PHGDH: variants seen among roughly 807,000 people sequenced by gnomAD.
The protein encoded by PHGDH is phosphoglycerate dehydrogenase.
A neutral mutation model predicts 52.6 loss-of-function variants in PHGDH; 50 were observed. The ratio of observed to expected loss-of-function variants is 0.95; its 90% confidence interval spans 0.76 to 1.20. PHGDH has a LOEUF of 1.20. Ranked by LOEUF, PHGDH falls within the 50% of genes most tolerant of loss-of-function variation. The pLI, the probability that PHGDH is intolerant of heterozygous loss-of-function variation, is 0.00. For synonymous variants in PHGDH, 271 were observed against 280.5 expected (o/e 0.97, Z 0.34); for missense variants, 630 against 684.6 (o/e 0.92, Z 0.89).
intron 1 of PHGDH, among the ~76,000 whole-genome samples, chr1:119,714,698 G>A (rs1471204418): frequency 2.6e-5 from 4 of 152,202 alleles, no homozygotes; most frequent in Non-Finnish European, 5.9e-5. Context: ...GCAAAACCCT[G>A]TCTCTACAAA....
intron 6 of PHGDH, 122 bp downstream of exon 6, chr1:119,734,888 C>A: frequency 9.2e-7 from 1 of 1,088,850 alleles, no homozygotes; most frequent in Non-Finnish European, 1.4e-6. Context: ...CCACCTGGGT[C>A]CTGCAGAGGC....
rs587610163 is a variant in PHGDH, at chr1:119,734,620, T to C, written c.511-14T>C. 7 of 1,613,728 alleles carry C rather than the reference T, an allele frequency of 4.3e-6. No individual in the cohort carries two copies. In the South Asian group the frequency reaches 6.6e-5, roughly 15 times the overall value. On this transcript the variant is annotated splice_polypyrimidine_tract_variant and intron_variant, in intron 5 of 11. Coordinates refer to ENST00000641023, the MANE Select transcript of PHGDH (RefSeq NM_006623.4). ...AAGAATGACACTTCCTCCCTCTCTC[T>C]TGCTTCCAACCAGACTATAGGGTAT...
chr1:119,727,589 G>T (rs750116911), intron 5 of PHGDH: 29 of 186,506 alleles, frequency 1.6e-4, no homozygotes, highest in Non-Finnish European at 2.7e-4. Context: ...CAGCACTTTG[G>T]GAGGCCGAGG....
rs2101195773 is a variant in PHGDH at position 119,734,711 on chromosome 1, C to T, written c.588C>T (p.Ile196=). 6.2e-7 allele frequency: 1 copy of T among 1,614,046 alleles called. No individual in the cohort carries two copies. Among genetic ancestry groups the T allele is most frequent in the African/African-American group, 1.3e-5 (1 of 75,054 alleles). ...TTCAGCAGCTGCCCCTGGAGGAGAT[C>T]TGGCCTCTCTGTGATTTCATCACTG... ...FGVQQLPLEE[I]WPLCDFITVH... The change falls in exon 6 of 12, where the codon ATC becomes ATT. Residue 196 remains isoleucine, a synonymous_variant. Coordinates refer to ENST00000641023, the MANE Select transcript of PHGDH (RefSeq NM_006623.4).
At chr1:119,722,324 C>G (rs1255566458) in intron 2 of PHGDH, among the ~76,000 whole-genome samples, 1 of 152,110 alleles carries the variant, frequency 6.6e-6, no homozygotes, top group Non-Finnish European at 1.5e-5. Flanking sequence ...CTTCTTGTAA[C>G]CTTATTAACC....
chr1:119,726,560 T>C (rs1010564112), intron 3 of PHGDH: 3 of 525,824 alleles, frequency 5.7e-6, no homozygotes, highest in Non-Finnish European at 1.0e-5. Flanking sequence ...TCGCTTAAAG[T>C]AAAAAACTCA....
rs137976738 is a variant in PHGDH, at chr1:119,735,547, T to C, written c.792+104T>C. 1.1e-4 allele frequency: 128 copies of C among 1,183,722 alleles called. No homozygotes were observed. The African/African-American group carries it at 1.7e-3, about 16-fold the overall frequency. 73.3% of individuals were successfully genotyped at this position (1,183,722 alleles called of 1,614,324 possible). ...GTTTTACAGAAAGCCTCTAGCTTAT[T>C]GTCTCTTTCATCCATGGTAAAAGGA... On this transcript the variant is annotated intron_variant, in intron 7 of 11. Transcript: ENST00000641023.
intron 5 of PHGDH, chr1:119,734,371 C>T (rs915316973): frequency 6.7e-6 from 3 of 449,752 alleles, no homozygotes; most frequent in South Asian, 2.0e-5. Flanking sequence ...CTTCCCTCAG[C>T]TCTCAAGCAG....
At chr1:119,727,162 G>A in intron 5 of PHGDH, 60 bp downstream of exon 5, 2 of 987,964 alleles carry the variant, frequency 2.0e-6, no homozygotes, top group Non-Finnish European at 3.3e-6. Flanking sequence ...GGGAAAGGCA[G>A]CATGTCTGGG....
Position 119,735,340 on chromosome 1 carries a change from G to T in PHGDH, c.689G>T (p.Arg230Leu). 1 of 1,614,216 alleles carries T rather than the reference G, an allele frequency of 6.2e-7. No homozygotes were observed. Among genetic ancestry groups the T allele is most frequent in the South Asian group, 1.1e-5 (1 of 91,092 alleles). The change falls in exon 7 of 12, where the codon CGT (arginine) becomes CTT (leucine). Residue 230 changes from arginine (R) to leucine (L), a missense_variant. By Grantham distance (102) the Arg-to-Leu change is moderately radical. Transcript: ENST00000641023. ...NTFAQCKKGV[R>L]VVNCARGGIV... The stretch of plus-strand genomic sequence containing the variant: ...TTTGCCCAGTGCAAGAAGGGGGTGC[G>T]TGTGGTGAACTGTGCCCGTGGAGGG...
chr1:119,723,555 A>T, intron 3 of PHGDH, 114 bp downstream of exon 3: 2 of 832,828 alleles, frequency 2.4e-6, no homozygotes. Flanking sequence ...CGACTTGCAG[A>T]CTGCTAAGAA....
At chr1:119,737,065 G>A (rs1298675035) in intron 7 of PHGDH, 49 bp from the exon 8 acceptor site, 11 of 1,602,648 alleles carry the variant, frequency 6.9e-6, no homozygotes, top group Admixed American at 1.7e-5. Flanking sequence ...GCCCAAGAGG[G>A]TGTGGCCAGT....
chr1:119,715,955 C>G (rs1650914582), intron 1 of PHGDH: 1 of 152,522 alleles, frequency 6.6e-6, no homozygotes, highest in Non-Finnish European at 1.5e-5. Context: ...GCTGTGGTTT[C>G]CATAAGTAGA....
At chr1:119,732,440 A>T (rs512854) in intron 5 of PHGDH, among the ~76,000 whole-genome samples, 2 of 151,952 alleles carry the variant, frequency 1.3e-5, no homozygotes, top group East Asian at 1.9e-4. Context: ...AGGTGCTCCA[A>T]TGTCTGTATA....
chr1:119,740,228 G>A (rs778572061), intron 8 of PHGDH, 158 bp from the exon 9 acceptor site: 105 of 683,244 alleles, frequency 1.5e-4, no homozygotes, highest in Non-Finnish European at 2.5e-4. Context: ...TCCTTGTCCT[G>A]TTGTTAGTGG....
At chr1:119,716,563 A>C (rs1179876202) in intron 1 of PHGDH, among the ~76,000 whole-genome samples, 1 of 151,948 alleles carries the variant, frequency 6.6e-6, no homozygotes, top group African/African-American at 2.4e-5. Flanking sequence ...GGCCCAAGGG[A>C]GTGATTGGTA....
At chr1:119,712,328 G>A (rs1373900464) in intron 1 of PHGDH, among the ~76,000 whole-genome samples, 168 bp downstream of exon 1, 2 of 152,202 alleles carry the variant, frequency 1.3e-5, no homozygotes, top group Non-Finnish European at 2.9e-5. Context: ...GGCAGAAAGA[G>A]GGAAGAACAA....
rs1052377436 is a variant in PHGDH at position 119,742,924 on chromosome 1, C to T, written c.1327C>T (p.Pro443Ser). 8 of 1,612,648 alleles carry T rather than the reference C, an allele frequency of 5.0e-6. No homozygotes were observed. The highest frequency in any genetic ancestry group is 6.8e-6 in the Non-Finnish European group (8 of 1,178,558). Residue 443 changes from proline to serine, a missense_variant, in exon 11 of 12, where the codon CCT (proline) becomes TCT (serine). By Grantham distance (74) the Pro-to-Ser change is moderately conservative. Transcript: ENST00000641023. ...TGTGGGCTTGGTCCAAGGCACTACGCCTGTACTGCAGGGGCTCAATGGAGC... is the reference window on the plus strand; with the variant it reads ...TGTGGGCTTGGTCCAAGGCACTACGTCTGTACTGCAGGGGCTCAATGGAGC... ...QAVGLVQGTT[P>S]VLQGLNGAVF...
chr1:119,739,986 G>T (rs1024493805), intron 8 of PHGDH: 10 of 195,992 alleles, frequency 5.1e-5, no homozygotes, highest in African/African-American at 2.3e-4. Flanking sequence ...AGGCAAGTTG[G>T]GACTGCCAGA....
Sources: allele counts gnomAD v4.1 joint callset (sites outside exome capture counted in the v4.1 genomes callset), GRCh38; gene constraint gnomAD v4.1.1; transcripts MANE v1.5; gene names NCBI Gene and HGNC (gene_info 2026-07-23, HGNC 2026-07-21).